Variants in TATDN1 observed in about 807,000 individuals in gnomAD.
The protein encoded by TATDN1 is deoxyribonuclease TATDN1.
TATDN1 carries 40 observed loss-of-function variants against 46.4 expected under a neutral mutation model. The ratio of observed to expected loss-of-function variants is 0.86; its 90% CI spans 0.67 to 1.12. The LOEUF is 1.12. TATDN1 is among the 50% of genes most tolerant of loss of function. TATDN1 has a pLI of 0.00. For missense variants in TATDN1, 326 were observed against 348.4 expected, an observed-to-expected ratio of 0.94 and a Z score of 0.51; for synonymous variants, 95 against 105.6, an observed-to-expected ratio of 0.90 and a Z score of 0.62.
At chr8:124,496,456 A>ACTGTG (rs1817476461) in intron 9 of TATDN1, among the ~76,000 whole-genome samples, 2 of 152,238 alleles carry the variant, frequency 1.3e-5, no homozygotes, top group South Asian at 4.1e-4. Context: ...CATACTGAAT[A>ACTGTG]GTTTCACGGT....
chr8:124,522,248 T>C, intron 2 of TATDN1, 48 bp from the exon 3 acceptor site: 1 of 1,317,310 alleles, frequency 7.6e-7, no homozygotes, highest in South Asian at 1.3e-5. Flanking sequence ...GACAAAAATT[T>C]GACTTTTTTT....
At chr8:124,503,400 C>G (rs1440281889) in intron 9 of TATDN1, among the ~76,000 whole-genome samples, 1 of 152,102 alleles carries the variant, frequency 6.6e-6, no homozygotes, top group Non-Finnish European at 1.5e-5. Flanking sequence ...GTTAGTACTA[C>G]TTGACTTTTT....
intron 11 of TATDN1, among the ~76,000 whole-genome samples, chr8:124,493,152 C>G (rs771219235): frequency 1.3e-5 from 2 of 152,086 alleles, no homozygotes; most frequent in Non-Finnish European, 2.9e-5. Flanking sequence ...ATTTTGTTTT[C>G]TTTTTTACCC....
intron 1 of TATDN1, among the ~76,000 whole-genome samples, chr8:124,525,290 C>T (rs538510462): frequency 4.6e-5 from 7 of 152,158 alleles, no homozygotes; most frequent in African/African-American, 7.2e-5. Flanking sequence ...GGATTATAGG[C>T]GCCCACCACC....
chr8:124,518,201 G>A (rs1217895147), intron 4 of TATDN1, among the ~76,000 whole-genome samples: 2 of 101,272 alleles, frequency 2.0e-5, no homozygotes, highest in Non-Finnish European at 3.7e-5. Context: ...GACAGAGTGA[G>A]ACTCTATCTC....
intron 3 of TATDN1, among the ~76,000 whole-genome samples, chr8:124,520,886 TG>T (rs1819980640): frequency 7.2e-6 from 1 of 138,694 alleles, no homozygotes; most frequent in African/African-American, 2.8e-5. Context: ...GAGCTTGCAG[TG>T]AGCCGAGATC....
Position 124,515,984 on chromosome 8 carries a change from T to C in TATDN1, c.249A>G (p.Glu83=). The part of the protein sequence containing the change: ...TVGCHPTRCG[E]FEKNNPDLYL... ...AAAGATCAGGGTTATTCTTTTCAAA[T>C]TCACCACATCTTGTAGGATGACATC... The change falls in exon 5 of 12, where the codon GAA becomes GAG. Residue 83 remains glutamate (E), a synonymous_variant. Transcript: ENST00000276692. 1 of 1,613,806 alleles carries C rather than the reference T, an allele frequency of 6.2e-7. No homozygotes were observed. The highest frequency in any genetic ancestry group is 1.1e-5 in the South Asian group (1 of 91,034).
At position 124,518,697 on chromosome 8, in the gene TATDN1, A is replaced by T; in HGVS notation, c.202+121T>A. On this transcript the variant is annotated intron_variant, in intron 4 of 11. Coordinates refer to ENST00000276692, the MANE Select transcript of TATDN1 (RefSeq NM_032026.4). ...ATCTTAATCATGTCCCATTTAAATC[A>T]GTCCATTTTCCTATTGTTTCCAGTC... The T allele has an allele frequency of 2.8e-6, 2 of 703,976 alleles. 1 individual carries two copies. Among genetic ancestry groups the T allele is most frequent in the Admixed American group, 4.9e-5 (2 of 40,740 alleles). 43.6% of individuals were successfully genotyped at this position (703,976 alleles called of 1,614,324 possible). A position where few individuals can be genotyped will look rare whatever the true frequency, so the allele number is the denominator to read the frequency against.
intron 9 of TATDN1, among the ~76,000 whole-genome samples, chr8:124,498,674 G>A (rs145399123): frequency 2.7e-4 from 41 of 152,076 alleles, no homozygotes; most frequent in African/African-American, 6.5e-4. Context: ...CAGAACAGAC[G>A]GAGTCTCTCA....
chr8:124,505,492 C>T lies in TATDN1; in HGVS notation c.517-1145G>A, dbSNP rs375414076. 1.2e-4 allele frequency among the ~76,000 whole-genome samples: 18 copies of T among 147,254 alleles called. No homozygotes were observed. In the East Asian group the frequency reaches 2.0e-3, roughly 16 times the overall value. ...CTGTAATCTCAGCAATTTGGGAGGC[C>T]GAGGTAGGCAGATCACAAGGTCAGG... On this transcript the variant is annotated intron_variant, in intron 8 of 11. Transcript: ENST00000276692.
In TATDN1 at chr8:124,534,239, T is replaced by C. The variant is rs189954503; in HGVS notation, c.22+4786A>G. Among the ~76,000 whole-genome samples, 16 of 151,538 alleles carry C rather than the reference T, an allele frequency of 1.1e-4. No individual in the cohort carries two copies. In the East Asian group the frequency reaches 2.7e-3, roughly 26 times the overall value. ...GCCCACAAGCCACTGCCTACTTTTG[T>C]TTGCCTCTAAGCTAAGAATGACTTT... On this transcript the variant is annotated intron_variant, in intron 1 of 11. Transcript: ENST00000276692.
intron 8 of TATDN1, among the ~76,000 whole-genome samples, chr8:124,506,150 C>A (rs967959608): frequency 1.3e-5 from 2 of 151,702 alleles, no homozygotes; most frequent in African/African-American, 4.8e-5. Context: ...ACCTGGCCAA[C>A]ATGATGAAAC....
chr8:124,508,489 C>T lies in TATDN1; in HGVS notation c.501G>A (p.Arg167=), dbSNP rs761812899. The change falls in exon 8 of 12, where the codon CGG becomes CGA. Residue 167 remains arginine, a synonymous_variant. Transcript: ENST00000276692. ...FLDIMKRNRD[R]CVGGVVHSFD... is the part of the protein sequence containing the mutation. Reference sequence around the variant, plus strand: ...TTATACTTACCACTCCCCCTACACACCGATCTCTATTTCTTTTCATTATGT... The same window carrying T: ...TTATACTTACCACTCCCCCTACACATCGATCTCTATTTCTTTTCATTATGT... The T allele has an allele frequency of 1.1e-5, 17 of 1,613,084 alleles. No individual in the cohort carries two copies. The East Asian group carries it at 3.3e-4, about 32-fold the overall frequency.
chr8:124,515,152 G>A (rs1054056749), intron 6 of TATDN1, among the ~76,000 whole-genome samples: 1 of 152,108 alleles, frequency 6.6e-6, no homozygotes, highest in Non-Finnish European at 1.5e-5. Flanking sequence ...AGGCCGAGGC[G>A]GGTGGATCAT....
intron 6 of TATDN1, among the ~76,000 whole-genome samples, chr8:124,513,659 G>A (rs748859362): frequency 1.3e-5 from 2 of 152,150 alleles, no homozygotes; most frequent in East Asian, 3.9e-4. Flanking sequence ...CAATGTTTTC[G>A]ATTAATCCCA....
chr8:124,493,677 G>T, intron 11 of TATDN1, 156 bp downstream of exon 11: 1 of 746,644 alleles, frequency 1.3e-6, no homozygotes, highest in Non-Finnish European at 2.1e-6. Flanking sequence ...AACCAGGTAT[G>T]CAAATTCCTC....
rs1484202538 is a variant in TATDN1 at position 124,515,906 on chromosome 8, T to C, written c.327A>G (p.Ala109=). 6.2e-7 allele frequency: 1 copy of C among 1,614,100 alleles called. No individual in the cohort carries two copies. Among genetic ancestry groups the C allele is most frequent in the Non-Finnish European group, 8.5e-7 (1 of 1,179,998 alleles). Residue 109 remains alanine (A), a synonymous_variant, in exon 5 of 12, where the codon GCA becomes GCG. Coordinates refer to ENST00000276692, the MANE Select transcript of TATDN1 (RefSeq NM_032026.4). ...ACTCACCAAGTCCGCATTCTCCTATTGCCACAACTTTCCCTTTATTGTTTT... is the reference window on the plus strand; with the variant it reads ...ACTCACCAAGTCCGCATTCTCCTATCGCCACAACTTTCCCTTTATTGTTTT... ...LAENNKGKVV[A]IGECGLDFDR... is the part of the protein sequence containing the mutation.
chr8:124,530,715 A>T (rs1051742419), intron 1 of TATDN1, among the ~76,000 whole-genome samples: 1 of 152,240 alleles, frequency 6.6e-6, no homozygotes, highest in Non-Finnish European at 1.5e-5. Flanking sequence ...GCACACAGGT[A>T]GCTAAACATC....
chr8:124,493,638 G>A (rs1817211986), intron 11 of TATDN1, among the ~76,000 whole-genome samples, 195 bp downstream of exon 11: 1 of 152,230 alleles, frequency 6.6e-6, no homozygotes, highest in South Asian at 2.1e-4. Flanking sequence ...CCAAAGAGTA[G>A]CAGGAAGCTG....
Sources: allele counts gnomAD v4.1 joint callset (sites outside exome capture counted in the v4.1 genomes callset), GRCh38; gene constraint gnomAD v4.1.1; transcripts MANE v1.5; gene names NCBI Gene and HGNC (gene_info 2026-07-23, HGNC 2026-07-21).